Variants in CAPRIN2 observed in about 807,000 individuals in gnomAD.
CAPRIN2 encodes caprin family member 2, also known as caprin-2.
A neutral mutation model predicts 130.4 loss-of-function variants in CAPRIN2; 66 were observed. The ratio of observed to expected loss-of-function variants is 0.51; its 90% confidence interval spans 0.42 to 0.62. The LOEUF is 0.62. Among genes scored for constraint, CAPRIN2 ranks in the 20% least tolerant of loss-of-function variants. The pLI, the probability that CAPRIN2 is intolerant of heterozygous loss-of-function variation, is 0.00. For synonymous variants in CAPRIN2, 471 were observed against 444.1 expected, an observed-to-expected ratio of 1.06 and a Z score of -0.76; for missense variants, 1,185 against 1,246.6, an observed-to-expected ratio of 0.95 and a Z score of 0.74.
At chr12:30,725,677 T>G (rs954580078) in intron 9 of CAPRIN2, among the ~76,000 whole-genome samples, 10 of 152,240 alleles carry the variant, frequency 6.6e-5, no homozygotes, top group Non-Finnish European at 1.3e-4. Context: ...CAGTTCTCAG[T>G]ACTGATAATC....
intron 5 of CAPRIN2, among the ~76,000 whole-genome samples, chr12:30,732,080 C>A (rs1344452107): frequency 6.6e-6 from 1 of 151,182 alleles, no homozygotes; most frequent in Non-Finnish European, 1.5e-5. Context: ...TTAGAAAACC[C>A]TATCTTTTAC....
exon 6 of CAPRIN2, chr12:30,731,487 A>T: frequency 6.2e-7 from 1 of 1,612,878 alleles, no homozygotes; most frequent in Non-Finnish European, 8.5e-7. Flanking sequence ...AGCAATTTAG[A>T]CAGTAGATCC....
intron 1 of CAPRIN2, among the ~76,000 whole-genome samples, chr12:30,752,054 G>C (rs563696497): frequency 1.3e-5 from 2 of 151,762 alleles, no homozygotes; most frequent in African/African-American, 4.8e-5. Context: ...GAGTAGGTGG[G>C]ATTACAGGCA....
chr12:30,725,286 T>C (rs532755615), intron 9 of CAPRIN2, among the ~76,000 whole-genome samples: 2 of 152,354 alleles, frequency 1.3e-5, no homozygotes, highest in East Asian at 3.9e-4. Flanking sequence ...GGGAGCATTT[T>C]AGTTCTTACA....
At chr12:30,736,474 T>C (rs1316447908) in intron 3 of CAPRIN2, among the ~76,000 whole-genome samples, 1 of 151,620 alleles carries the variant, frequency 6.6e-6, no homozygotes, top group Non-Finnish European at 1.5e-5. Flanking sequence ...TTTTAAATTA[T>C]ATAAAAGAGA....
intron 12 of CAPRIN2, among the ~76,000 whole-genome samples, chr12:30,717,051 G>C (rs2136691745): frequency 6.6e-6 from 1 of 152,204 alleles, no homozygotes; most frequent in Middle Eastern, 3.4e-3. Context: ...AAAAAGTATA[G>C]AATTAACATA....
intron 2 of CAPRIN2, among the ~76,000 whole-genome samples, chr12:30,746,795 A>G (rs1278916535): frequency 6.6e-6 from 1 of 152,240 alleles, no homozygotes; most frequent in African/African-American, 2.4e-5. Context: ...AGTCATCTCC[A>G]TCACATAAAA....
exon 4 of CAPRIN2, chr12:30,734,975 T>G: frequency 6.2e-7 from 1 of 1,610,488 alleles, no homozygotes; most frequent in Non-Finnish European, 8.5e-7. Context: ...TACCTCAGAC[T>G]TTCATTTCTT....
chr12:30,739,451 T>G (rs562447448), intron 3 of CAPRIN2, among the ~76,000 whole-genome samples: 12 of 152,230 alleles, frequency 7.9e-5, no homozygotes, highest in African/African-American at 2.6e-4. Flanking sequence ...AACTATTAGG[T>G]ACAAGGCTTA....
chr12:30,719,197 G>C, intron 12 of CAPRIN2: 1 of 1,614,060 alleles, frequency 6.2e-7, no homozygotes, highest in Non-Finnish European at 8.5e-7. Context: ...AGCTAGTGAA[G>C]ACGGTTGCTT....
exon 15 of CAPRIN2, chr12:30,713,840 T>C (rs748898306): frequency 2.7e-5 from 44 of 1,611,306 alleles, no homozygotes; most frequent in Non-Finnish European, 3.6e-5. Context: ...CAGCTGGCTA[T>C]AATTTCCATT....
chr12:30,737,598 C>CTTT (rs11304850), intron 3 of CAPRIN2, among the ~76,000 whole-genome samples: 8,253 of 131,168 alleles, frequency 0.063, 417 homozygotes, highest in Middle Eastern at 0.11. Context: ...AACTGGTTTT[C>CTTT]TTTTTTTTTT....
chr12:30,720,682 T>C (rs2059145885), intron 12 of CAPRIN2, 129 bp downstream of exon 13: 1 of 602,124 alleles, frequency 1.7e-6, no homozygotes, highest in South Asian at 2.3e-5. Context: ...TCACAATATC[T>C]ATAGAAAGCA....
Position 30,710,523 on chromosome 12 carries a change from A to G in CAPRIN2, c.2666-53T>C, listed in dbSNP as rs768543181. On this transcript the variant is annotated intron_variant, in intron 16 of 16. Transcript: ENST00000298892. The surrounding 1 kb of genome is among the most constrained non-coding windows in gnomAD (Gnocchi z 4.8). ...CATAATGAAGCAGTTAGCTTTGAAC[A>G]CAATATTTAACATTAGTCGGCTACT... 5.0e-6 allele frequency: 8 copies of G among 1,603,900 alleles called. No individual in the cohort carries two copies. Among genetic ancestry groups the G allele is most frequent in the Non-Finnish European group, 6.8e-6 (8 of 1,175,972 alleles).
In CAPRIN2 at chr12:30,713,891, A is replaced by T; in HGVS notation, c.2501-6T>A. The T allele has an allele frequency of 6.8e-7, 1 of 1,475,940 alleles. No homozygotes were observed. Among genetic ancestry groups the T allele is most frequent in the South Asian group, 1.1e-5 (1 of 87,166 alleles). The allele number at this position is 1,475,940 out of a possible 1,614,324, so 91.4% of individuals were successfully genotyped here. On this transcript the variant is annotated splice_region_variant and splice_polypyrimidine_tract_variant and intron_variant, in intron 14 of 16. Coordinates refer to ENST00000298892, the Ensembl canonical transcript of CAPRIN2. ...TCCTCTATAAGTATCAAAACCTAAT[A>T]AATAAACAAACTTACATAAGATTAT... is the stretch of plus-strand genomic sequence containing the variant.
At chr12:30,738,216 T>C (rs1400363992) in intron 3 of CAPRIN2, among the ~76,000 whole-genome samples, 2 of 151,686 alleles carry the variant, frequency 1.3e-5, no homozygotes, top group Non-Finnish European at 2.9e-5. Context: ...AAAATGAAAG[T>C]AAATCTCAAA....
exon 1 of CAPRIN2, chr12:30,753,808 T>G: frequency 6.6e-7 from 1 of 1,519,738 alleles, no homozygotes; most frequent in Non-Finnish European, 8.8e-7. Context: ...AAGGATAGCC[T>G]TTACATAGGC....
chr12:30,718,847 T>TA (rs1457065150), intron 12 of CAPRIN2, among the ~76,000 whole-genome samples: 1 of 152,234 alleles, frequency 6.6e-6, no homozygotes, highest in Admixed American at 6.5e-5. Context: ...CTACTAATTC[T>TA]AAAAGAAGGA....
At chr12:30,712,979 T>G (rs2055739447) in intron 15 of CAPRIN2, among the ~76,000 whole-genome samples, 1 of 152,116 alleles carries the variant, frequency 6.6e-6, no homozygotes, top group Non-Finnish European at 1.5e-5. Context: ...TGACCTCAAG[T>G]GATCCACCTG....
Sources: allele counts gnomAD v4.1 joint callset (sites outside exome capture counted in the v4.1 genomes callset), GRCh38; gene constraint gnomAD v4.1.1; non-coding constraint Gnocchi (gnomAD v3.1); transcripts MANE v1.5; gene names NCBI Gene and HGNC (gene_info 2026-07-23, HGNC 2026-07-21).